TENM4: variants seen among roughly 807,000 people sequenced by gnomAD.
TENM4 encodes teneurin-4.
A neutral mutation model predicts 243.3 loss-of-function variants in TENM4; 82 were observed. The ratio of observed to expected loss-of-function variants is 0.34; its 90% confidence interval spans 0.28 to 0.40. TENM4 has a LOEUF of 0.40. TENM4 is among the 10% of genes least tolerant of loss of function. The pLI, the probability that TENM4 is intolerant of heterozygous loss-of-function variation, is 1.00. For synonymous variants in TENM4, 1,412 were observed against 1,456.3 expected (o/e 0.97, Z 0.69); for missense variants, 3,138 against 3,673.3 (o/e 0.85, Z 3.77).
chr11:79,341,867 T>C (rs1032110703), intron 1 of TENM4, among the ~76,000 whole-genome samples: 1 of 152,246 alleles, frequency 6.6e-6, no homozygotes, highest in Non-Finnish European at 1.5e-5. Context: ...CCAGGACTTA[T>C]AGTCCAGACT....
intron 2 of TENM4, among the ~76,000 whole-genome samples, chr11:79,296,422 T>G (rs1174016358): frequency 6.6e-6 from 1 of 152,208 alleles, no homozygotes; most frequent in Non-Finnish European, 1.5e-5. Context: ...GGAGCAGGTT[T>G]CCCTTGGTTC....
chr11:78,979,013 T>C (rs1390811904), intron 6 of TENM4, among the ~76,000 whole-genome samples: 1 of 152,084 alleles, frequency 6.6e-6, no homozygotes, highest in African/African-American at 2.4e-5. Context: ...ATTGGGGAAA[T>C]GACAGAAGAG....
At chr11:78,717,593 G>T (rs1463855938) in intron 25 of TENM4, among the ~76,000 whole-genome samples, 2 of 152,222 alleles carry the variant, frequency 1.3e-5, no homozygotes, top group Non-Finnish European at 2.9e-5. Flanking sequence ...GGACAAAATT[G>T]CATGAAGAAT....
chr11:78,862,087 A>G (rs960748319), intron 10 of TENM4, among the ~76,000 whole-genome samples: 6 of 152,188 alleles, frequency 3.9e-5, no homozygotes, highest in Non-Finnish European at 8.8e-5. Context: ...TGCCACCACC[A>G]TTTCCATCAT....
At chr11:79,040,782 G>C (rs72949531) in intron 6 of TENM4, among the ~76,000 whole-genome samples, 3 of 151,964 alleles carry the variant, frequency 2.0e-5, no homozygotes, top group African/African-American at 7.3e-5. Flanking sequence ...AAAAATTTAA[G>C]TTTTAGAAAC....
chr11:79,046,333 C>T (rs1019221229), intron 6 of TENM4, among the ~76,000 whole-genome samples: 4 of 152,020 alleles, frequency 2.6e-5, no homozygotes, highest in African/African-American at 9.7e-5. Context: ...CATGGAGCAC[C>T]AAAAAGCTGC....
At chr11:79,123,651 G>T (rs1336714733) in intron 4 of TENM4, among the ~76,000 whole-genome samples, 2 of 150,808 alleles carry the variant, frequency 1.3e-5, no homozygotes, top group Non-Finnish European at 2.9e-5. Flanking sequence ...GGGGGACAGA[G>T]ACTGTGCTAG....
chr11:78,816,792 C>A (rs1157537301), intron 12 of TENM4, among the ~76,000 whole-genome samples: 2 of 152,174 alleles, frequency 1.3e-5, no homozygotes, highest in Non-Finnish European at 2.9e-5. Flanking sequence ...TAGATACAAG[C>A]CTTGCCTATA....
intron 12 of TENM4, among the ~76,000 whole-genome samples, chr11:78,845,948 G>A (rs994560131): frequency 6.6e-5 from 10 of 152,172 alleles, no homozygotes; most frequent in African/African-American, 2.2e-4. Flanking sequence ...AGTCAGATGA[G>A]CGGACTGCAG....
intron 9 of TENM4, among the ~76,000 whole-genome samples, chr11:78,871,034 C>T (rs541950747): frequency 2.6e-5 from 4 of 152,310 alleles, no homozygotes; most frequent in African/African-American, 9.6e-5. Context: ...TTTGGACTCA[C>T]CTCAGCCCAG....
intron 1 of TENM4, among the ~76,000 whole-genome samples, chr11:79,315,365 G>T (rs1226115511): frequency 6.6e-6 from 1 of 152,184 alleles, no homozygotes; most frequent in African/African-American, 2.4e-5. Flanking sequence ...GTAGAAAAGA[G>T]AAAAAGGGCA....
At chr11:78,869,626 T>C (rs1859074183) in intron 9 of TENM4, among the ~76,000 whole-genome samples, 1 of 152,068 alleles carries the variant, frequency 6.6e-6, no homozygotes, top group Non-Finnish European at 1.5e-5. Flanking sequence ...AGAAACTCGT[T>C]TGACAAATGA....
At chr11:78,741,099 A>G (rs1309654352) in intron 19 of TENM4, among the ~76,000 whole-genome samples, 1 of 152,226 alleles carries the variant, frequency 6.6e-6, no homozygotes, top group African/African-American at 2.4e-5. Flanking sequence ...TTGTCTGGAA[A>G]GCCCAGATTA....
At chr11:78,723,214 G>A (rs1231503480) in intron 23 of TENM4, among the ~76,000 whole-genome samples, 1 of 152,246 alleles carries the variant, frequency 6.6e-6, no homozygotes, top group African/African-American at 2.4e-5. Flanking sequence ...CAGAAGATAA[G>A]TGGAAGAGCT....
At chr11:79,168,638 G>T (rs1862971465) in intron 3 of TENM4, among the ~76,000 whole-genome samples, 1 of 152,110 alleles carries the variant, frequency 6.6e-6, no homozygotes, top group South Asian at 2.1e-4. Context: ...AGCTCTTTGT[G>T]CTTGCAGTAG....
chr11:79,016,521 T>C (rs1333686922), intron 6 of TENM4, among the ~76,000 whole-genome samples: 1 of 152,178 alleles, frequency 6.6e-6, no homozygotes, highest in Non-Finnish European at 1.5e-5. Flanking sequence ...GGCTACACTT[T>C]CAAGCAGAGA....
intron 6 of TENM4, among the ~76,000 whole-genome samples, chr11:79,056,282 G>A (rs60648563): frequency 0.012 from 1,783 of 152,168 alleles, 38 homozygotes; most frequent in African/African-American, 0.041. Flanking sequence ...ACCCAGTTTC[G>A]GGAATGCAAT....
intron 1 of TENM4, among the ~76,000 whole-genome samples, chr11:79,335,595 A>G (rs1446244731): frequency 1.3e-5 from 2 of 152,346 alleles, no homozygotes; most frequent in South Asian, 4.1e-4. Context: ...AGAAGACACC[A>G]GAGTACCTCT....
chr11:79,319,771 G>A (rs2135426094), intron 1 of TENM4, among the ~76,000 whole-genome samples: 1 of 152,004 alleles, frequency 6.6e-6, no homozygotes, highest in East Asian at 1.9e-4. Context: ...CTGAAGTTTT[G>A]TCCCAGTACC....
Sources: gnomAD v4.1 joint callset for allele counts (sites outside exome capture counted in the v4.1 genomes callset) on GRCh38, gnomAD v4.1.1 for gene constraint, MANE v1.5 for transcripts, NCBI Gene and HGNC (gene_info 2026-07-23, HGNC 2026-07-21) for gene names.